The following PTGIS variants were observed in gnomAD, a reference collection of about 807,000 sequenced individuals.
The protein encoded by PTGIS is prostacyclin synthase.
A neutral mutation model predicts 50.3 loss-of-function variants in PTGIS; 45 were observed. That is an observed-to-expected ratio of 0.90 (90% CI 0.70 to 1.15). PTGIS has a LOEUF of 1.15. PTGIS is among the 50% of genes most tolerant of loss of function. The pLI is 0.00. For missense variants in PTGIS, 668 were observed against 661.3 expected (o/e 1.01, Z -0.11); for synonymous variants, 260 against 267.7 (o/e 0.97, Z 0.28).
At chr20:49,552,944 A>G (rs1982548713) in intron 1 of PTGIS, among the ~76,000 whole-genome samples, 1 of 151,888 alleles carries the variant, frequency 6.6e-6, no homozygotes, top group Admixed American at 6.5e-5. Context: ...ATGTTTCACT[A>G]CAAAAAAATA....
At chr20:49,511,850 AGATGGATGGATGGGTAGATGGGGTG>A (rs929869498) in intron 8 of PTGIS, among the ~76,000 whole-genome samples, 10 of 152,032 alleles carry the variant, frequency 6.6e-5, no homozygotes, top group African/African-American at 1.9e-4. Flanking sequence ...AGGGATGGAT[AGATGGATGGATGGGTAGATGGGGTG>A]GATGGATGGA....
Position 49,544,271 on chromosome 20 carries a change from C to T in PTGIS, c.521+34G>A, listed in dbSNP as rs1271910791. On this transcript the variant is annotated intron_variant, in intron 4 of 9. Transcript: ENST00000244043. Reference sequence around the variant, plus strand: ...GGCTGACACAGGTCAAAGTGCCGGGCCCCAGCAGGAGGGTGGGGGCTGCAC... The same window carrying T: ...GGCTGACACAGGTCAAAGTGCCGGGTCCCAGCAGGAGGGTGGGGGCTGCAC... 5.6e-6 allele frequency: 9 copies of T among 1,612,510 alleles called. No homozygotes were observed. In the African/African-American group the frequency reaches 1.1e-4, roughly 19 times the overall value.
intron 1 of PTGIS, among the ~76,000 whole-genome samples, chr20:49,554,995 G>T (rs1244714400): frequency 6.6e-6 from 1 of 152,182 alleles, no homozygotes; most frequent in African/African-American, 2.4e-5. Flanking sequence ...TTTAGGCCAG[G>T]TGTGGTGGCT....
At chr20:49,565,215 T>G (rs1982867562) in intron 1 of PTGIS, among the ~76,000 whole-genome samples, 1 of 151,938 alleles carries the variant, frequency 6.6e-6, no homozygotes, top group African/African-American at 2.4e-5. Context: ...TCTCCTGACC[T>G]CGTGATCCGC....
At position 49,504,462 on chromosome 20, in the gene PTGIS, C is replaced by A. The variant is rs492195; in HGVS notation, c.*3458G>T. ...TGTAATCCTAGCACTTTGGGAGGCC[C>A]AGGCAGGCAAATCACGAGGTCAGGA... On this transcript the variant is annotated 3_prime_UTR_variant, in exon 10 of 10. Coordinates refer to ENST00000244043, the MANE Select transcript of PTGIS (RefSeq NM_000961.4). 0.39 allele frequency: 59,852 copies of A among 151,730 alleles called. 13,948 individuals carry two copies. The highest frequency in any genetic ancestry group is 0.66 in the African/African-American group (27,428 of 41,398). The allele number at this position is 151,730 out of a possible 1,614,324, so 9.4% of individuals were successfully genotyped here.
chr20:49,514,955 C>T (rs1361632147), intron 6 of PTGIS, among the ~76,000 whole-genome samples: 1 of 152,214 alleles, frequency 6.6e-6, no homozygotes, highest in Non-Finnish European at 1.5e-5. Context: ...GCTCGGCAAG[C>T]CCACTGATCC....
chr20:49,514,100 T>G, intron 7 of PTGIS, 127 bp downstream of exon 7: 10 of 1,157,876 alleles, frequency 8.6e-6, no homozygotes, highest in Non-Finnish European at 1.1e-5. Context: ...ATAGGAGGCT[T>G]AGGGAGACCC....
In PTGIS at chr20:49,513,239, G is replaced by A. The variant is rs987992184; in HGVS notation, c.1047C>T (p.Leu349=). 11 of 1,613,696 alleles carry A rather than the reference G, an allele frequency of 6.8e-6. No individual in the cohort carries two copies. In the Admixed American group the frequency reaches 8.3e-5, roughly 12 times the overall value. Reference sequence around the variant, plus strand: ...TGATGAAGGGGGCAGCTGTAAGCCTGAGGCTCTCACTCAGCACGCTATCTG... The same window carrying A: ...TGATGAAGGGGGCAGCTGTAAGCCTAAGGCTCTCACTCAGCACGCTATCTG... ...PVLDSVLSES[L]RLTAAPFITR... The change falls in exon 8 of 10, where the codon CTC becomes CTT. Residue 349 remains leucine (L), a synonymous_variant. Transcript: ENST00000244043.
intron 3 of PTGIS, 65 bp from the exon 4 acceptor site, chr20:49,544,513 T>G: frequency 6.3e-7 from 1 of 1,591,160 alleles, no homozygotes; most frequent in Non-Finnish European, 8.6e-7. Context: ...TACAGGCACC[T>G]CCCTCCCCAA....
intron 1 of PTGIS, among the ~76,000 whole-genome samples, chr20:49,558,996 A>G (rs1410082278): frequency 1.3e-5 from 2 of 152,082 alleles, no homozygotes; most frequent in Non-Finnish European, 2.9e-5. Flanking sequence ...TAGAGGCGTG[A>G]ACCACCATGC....
At chr20:49,541,761 A>G (rs1982236703) in intron 4 of PTGIS, among the ~76,000 whole-genome samples, 1 of 152,140 alleles carries the variant, frequency 6.6e-6, no homozygotes. Flanking sequence ...AAATGAAGGA[A>G]AAGAAAACAA....
intron 5 of PTGIS, among the ~76,000 whole-genome samples, chr20:49,532,234 T>C (rs1393459177): frequency 1.3e-5 from 2 of 152,236 alleles, no homozygotes; most frequent in Non-Finnish European, 2.9e-5. Flanking sequence ...GTGTGTCTAA[T>C]AGAAAATTTT....
At chr20:49,555,954 G>A (rs2122897601) in intron 1 of PTGIS, among the ~76,000 whole-genome samples, 1 of 152,304 alleles carries the variant, frequency 6.6e-6, no homozygotes, top group East Asian at 1.9e-4. Context: ...ATCCCATCTT[G>A]AGCAGAACAG....
At chr20:49,511,823 G>A (rs1981327928) in intron 8 of PTGIS, among the ~76,000 whole-genome samples, 2 of 152,174 alleles carry the variant, frequency 1.3e-5, no homozygotes. Context: ...AATGTGGATG[G>A]AAAGATGGAT....
chr20:49,554,856 G>T (rs1982588421), intron 1 of PTGIS, among the ~76,000 whole-genome samples: 1 of 152,136 alleles, frequency 6.6e-6, no homozygotes, highest in South Asian at 2.1e-4. Flanking sequence ...ACATCTTAGG[G>T]TCAAGATGAT....
intron 1 of PTGIS, among the ~76,000 whole-genome samples, chr20:49,552,629 A>G (rs558529764): frequency 1.2e-4 from 18 of 152,256 alleles, no homozygotes; most frequent in African/African-American, 4.3e-4. Flanking sequence ...ACAATTGCCT[A>G]GGGTAATGAA....
chr20:49,558,872 C>A (rs1356896787), intron 1 of PTGIS, among the ~76,000 whole-genome samples: 1 of 152,056 alleles, frequency 6.6e-6, no homozygotes, highest in Non-Finnish European at 1.5e-5. Flanking sequence ...AACAACCATG[C>A]CCGGCTAGTT....
chr20:49,550,389 T>C (rs1472192774), intron 1 of PTGIS, among the ~76,000 whole-genome samples, 200 bp from the exon 2 acceptor site: 1 of 152,196 alleles, frequency 6.6e-6, no homozygotes, highest in Non-Finnish European at 1.5e-5. Flanking sequence ...CAGCCCACTT[T>C]TCCCCCTTTA....
In PTGIS at chr20:49,506,088, A is replaced by C. The variant is rs1981144788; in HGVS notation, c.*1832T>G. The C allele has an allele frequency of 6.5e-6, 1 of 152,672 alleles. No homozygotes were observed. The highest frequency in any genetic ancestry group is 1.5e-5 in the Non-Finnish European group (1 of 68,064). 9.5% of individuals were successfully genotyped at this position (152,672 alleles called of 1,614,324 possible). On this transcript the variant is annotated 3_prime_UTR_variant, in exon 10 of 10. Coordinates refer to ENST00000244043, the MANE Select transcript of PTGIS (RefSeq NM_000961.4). ...AGTCCCCTTGAGCCCAAAGAACAGG[A>C]GTTGCTCATCCAGCATTTGCTCCTG...
Sources: gnomAD v4.1 joint callset for allele counts (sites outside exome capture counted in the v4.1 genomes callset) on GRCh38, gnomAD v4.1.1 for gene constraint, MANE v1.5 for transcripts, NCBI Gene and HGNC (gene_info 2026-07-23, HGNC 2026-07-21) for gene names.